Variants in CSMD1 observed in about 807,000 individuals in gnomAD.
CSMD1 encodes the protein CUB and Sushi multiple domains 1.
A neutral mutation model predicts 417.5 loss-of-function variants in CSMD1; 213 were observed. That is an observed-to-expected ratio of 0.51 (90% CI 0.46 to 0.57). The LOEUF is 0.57. CSMD1 is among the 20% of genes least tolerant of loss of function. CSMD1 has a pLI of 0.00. For synonymous variants in CSMD1, 2,862 were observed against 1,736.8 expected (o/e 1.65, Z -16.11); for missense variants, 6,923 against 4,529.7 (o/e 1.53, Z -15.17).
intron 3 of CSMD1, among the ~76,000 whole-genome samples, chr8:4,207,672 C>T (rs895823037): frequency 6.6e-6 from 1 of 151,994 alleles, no homozygotes; most frequent in African/African-American, 2.4e-5. Context: ...AATTAGTGTG[C>T]ATTCACATGT....
At chr8:4,491,664 A>G (rs1410871724) in intron 2 of CSMD1, among the ~76,000 whole-genome samples, 13 of 152,210 alleles carry the variant, frequency 8.5e-5, no homozygotes, top group Admixed American at 8.5e-4. Context: ...TCCTTAGAAC[A>G]TGAGACACCA....
chr8:4,362,452 G>A (rs1349729668), intron 3 of CSMD1, among the ~76,000 whole-genome samples: 1 of 152,134 alleles, frequency 6.6e-6, no homozygotes, highest in Non-Finnish European at 1.5e-5. Context: ...TTTGTTAAAG[G>A]TCCCTTGCTG....
chr8:3,355,222 G>T (rs544450425), intron 21 of CSMD1, among the ~76,000 whole-genome samples: 1 of 151,674 alleles, frequency 6.6e-6, no homozygotes, highest in South Asian at 2.1e-4. Flanking sequence ...TACTAGATAC[G>T]GATTTAAGGC....
In CSMD1 at chr8:3,201,842, G is replaced by A. The variant is rs1015529980; in HGVS notation, c.4985-117C>T. ...AATGGATCATTATCCTAAGAATTTG[G>A]TAAAAAAATAAATATTAACTTATTT... On this transcript the variant is annotated intron_variant, in intron 31 of 69. Coordinates refer to ENST00000635120, the MANE Select transcript of CSMD1 (RefSeq NM_033225.6). 2.0e-4 allele frequency: 73 copies of A among 358,646 alleles called. No homozygotes were observed. In the African/African-American group the frequency reaches 3.8e-3, roughly 19 times the overall value. The allele number at this position is 358,646 out of a possible 1,614,324, so 22.2% of individuals were successfully genotyped here. A position where few individuals can be genotyped will look rare whatever the true frequency, so the allele number is the denominator to read the frequency against.
chr8:3,264,027 G>GT, intron 26 of CSMD1, among the ~76,000 whole-genome samples: 1 of 152,170 alleles, frequency 6.6e-6, no homozygotes, highest in East Asian at 1.9e-4. Flanking sequence ...AGAGACTTCA[G>GT]TTTTTTTCAT....
At chr8:4,169,633 G>C (rs1399025454) in intron 3 of CSMD1, among the ~76,000 whole-genome samples, 3 of 152,094 alleles carry the variant, frequency 2.0e-5, no homozygotes, top group South Asian at 2.1e-4. Context: ...TCAGTCCCTT[G>C]CTGCTGCAGG....
At chr8:3,940,777 CTTT>C (rs1302518976) in intron 5 of CSMD1, among the ~76,000 whole-genome samples, 1 of 151,666 alleles carries the variant, frequency 6.6e-6, no homozygotes, top group Non-Finnish European at 1.5e-5. Context: ...ACACAGTTCT[CTTT>C]TTATTAAAAT....
chr8:3,978,803 G>C (rs1434473888), intron 5 of CSMD1, among the ~76,000 whole-genome samples: 1 of 152,034 alleles, frequency 6.6e-6, no homozygotes, highest in Non-Finnish European at 1.5e-5. Context: ...TTCCTTTCCG[G>C]AGACATCGGT....
At chr8:3,754,515 T>C (rs1232365242) in intron 5 of CSMD1, among the ~76,000 whole-genome samples, 1 of 152,062 alleles carries the variant, frequency 6.6e-6, no homozygotes, top group African/African-American at 2.4e-5. Context: ...AGGGCAGTGG[T>C]GCGATCTCGG....
chr8:3,088,991 T>A (rs557555094), intron 48 of CSMD1, among the ~76,000 whole-genome samples: 1 of 152,206 alleles, frequency 6.6e-6, no homozygotes, highest in African/African-American at 2.4e-5. Context: ...AGGCTCCGTT[T>A]TCTTTTACTG....
chr8:4,653,081 T>C lies in CSMD1; in HGVS notation c.86-15523A>G, dbSNP rs117649334. On this transcript the variant is annotated intron_variant, in intron 1 of 69. Transcript: ENST00000635120. ...CTTGGGGACCCCGCTCTAGAGGATGTGTTTATGAGAGACAGAGCTCCTTGT... is the reference window on the plus strand; with the variant it reads ...CTTGGGGACCCCGCTCTAGAGGATGCGTTTATGAGAGACAGAGCTCCTTGT... Among the ~76,000 whole-genome samples, 1,183 of 152,134 alleles carry C rather than the reference T, an allele frequency of 7.8e-3. 5 individuals are homozygous for C. Among genetic ancestry groups the C allele is most frequent in the Middle Eastern group, 0.024 (7 of 292 alleles).
chr8:3,195,752 C>T (rs1014753044), intron 33 of CSMD1, among the ~76,000 whole-genome samples: 7 of 152,162 alleles, frequency 4.6e-5, no homozygotes, highest in African/African-American at 1.7e-4. Context: ...GTATAAAACA[C>T]TTTCTGCTTG....
chr8:4,937,154 A>T (rs1174642122), intron 1 of CSMD1, among the ~76,000 whole-genome samples: 1 of 152,200 alleles, frequency 6.6e-6, no homozygotes, highest in Non-Finnish European at 1.5e-5. Context: ...TCAAGGCTGC[A>T]GTGAGCTCTG....
intron 5 of CSMD1, among the ~76,000 whole-genome samples, chr8:3,852,300 C>G (rs941698498): frequency 6.6e-5 from 10 of 152,156 alleles, no homozygotes; most frequent in African/African-American, 2.4e-4. Context: ...GCCCCAGAAT[C>G]AGAGGTGGGG....
At chr8:4,765,227 T>C (rs1438996536) in intron 1 of CSMD1, among the ~76,000 whole-genome samples, 2 of 152,190 alleles carry the variant, frequency 1.3e-5, no homozygotes, top group African/African-American at 2.4e-5. Context: ...AGCTCTTACC[T>C]AGGCTGAATC....
At chr8:3,708,633 A>T in intron 6 of CSMD1, 142 bp from the exon 7 acceptor site, 1 of 654,110 alleles carries the variant, frequency 1.5e-6, no homozygotes, top group Non-Finnish European at 2.7e-6. Context: ...AATGATACCA[A>T]GTCAATGAAG....
intron 2 of CSMD1, among the ~76,000 whole-genome samples, chr8:4,590,640 G>C (rs150978750): frequency 1.3e-5 from 2 of 152,056 alleles, no homozygotes; most frequent in Non-Finnish European, 2.9e-5. Flanking sequence ...CAAAGTTGTT[G>C]ACTTTTACAA....
At chr8:3,747,033 C>G (rs758641050) in intron 6 of CSMD1, among the ~76,000 whole-genome samples, 4 of 152,200 alleles carry the variant, frequency 2.6e-5, no homozygotes, top group Non-Finnish European at 2.9e-5. Flanking sequence ...ATAAAAATAA[C>G]TCACTATCCA....
Position 4,912,641 on chromosome 8 carries a change from G to A in CSMD1, c.85+81691C>T, listed in dbSNP as rs75743769. Among the ~76,000 whole-genome samples the A allele has an allele frequency of 4.5e-3, 678 of 152,262 alleles. 8 individuals are homozygous for A. Among genetic ancestry groups the A allele is most frequent in the African/African-American group, 0.015 (628 of 41,540 alleles). On this transcript the variant is annotated intron_variant, in intron 1 of 69. Transcript: ENST00000635120. ...TGTTTGGCTTCCTTTGTAAATACCT[G>A]TGACATGTAGGTCAGGAACCAAAGA...
Sources: allele counts gnomAD v4.1 joint callset (sites outside exome capture counted in the v4.1 genomes callset), GRCh38; gene constraint gnomAD v4.1.1; transcripts MANE v1.5; gene names NCBI Gene and HGNC (gene_info 2026-07-23, HGNC 2026-07-21).